The following FMN1 variants were observed in gnomAD, a reference collection of about 807,000 sequenced individuals.
FMN1 encodes the protein formin 1, also known as formin-1.
A neutral mutation model predicts 132.4 loss-of-function variants in FMN1; 110 were observed. The ratio of observed to expected loss-of-function variants is 0.83; its 90% CI spans 0.71 to 0.97. The LOEUF is 0.97. Among genes scored for constraint, FMN1 ranks in the 50% least tolerant of loss-of-function variants. The pLI, the probability that FMN1 is intolerant of heterozygous loss-of-function variation, is 0.00. For missense variants in FMN1, 1,792 were observed against 1,705.3 expected (o/e 1.05, Z -0.90); for synonymous variants, 722 against 651.7 (o/e 1.11, Z -1.64).
intron 7 of FMN1, among the ~76,000 whole-genome samples, chr15:32,982,657 C>A (rs867345297): frequency 1.8e-4 from 28 of 152,102 alleles, no homozygotes; most frequent in African/African-American, 6.3e-4. Context: ...TGTAGGTGGG[C>A]CTCATGCAAT....
rs2061090623 is a variant in FMN1 at position 32,930,663 on chromosome 15, C to T, written c.3139-4402G>A. On this transcript the variant is annotated intron_variant, in intron 9 of 20. Coordinates refer to ENST00000616417, the MANE Select transcript of FMN1 (RefSeq NM_001277313.2). ...TCCGTTGATTGTTTCCTTTGCTGAG[C>T]AGAAGCTTTTTCATTTAACATAGTC... is the stretch of plus-strand genomic sequence containing the variant. Among the ~76,000 whole-genome samples the T allele has an allele frequency of 4.6e-5, 7 of 151,974 alleles. No individual in the cohort carries two copies. In the South Asian group the frequency reaches 1.5e-3, roughly 32 times the overall value.
In FMN1 at chr15:32,997,452, A is replaced by C. The variant is rs79974495; in HGVS notation, c.2223+10562T>G. On this transcript the variant is annotated intron_variant, in intron 7 of 20. Transcript: ENST00000616417. ...AATCATTATACTAGGCAGTGAATAC[A>C]TATCAAATTTAGAAACCAGGCAGAC... Among the ~76,000 whole-genome samples, 1,413 of 152,232 alleles carry C rather than the reference A, an allele frequency of 9.3e-3. 11 individuals are homozygous for C. Among genetic ancestry groups the C allele is most frequent in the Non-Finnish European group, 0.016 (1,088 of 68,008 alleles).
chr15:33,149,005 G>C (rs1464703105), intron 4 of FMN1, among the ~76,000 whole-genome samples: 4 of 137,022 alleles, frequency 2.9e-5, no homozygotes, highest in African/African-American at 8.3e-5. Context: ...TGGTGAATTT[G>C]TTTTTTTCTT....
chr15:32,895,840 C>T (rs1183212652), intron 15 of FMN1, among the ~76,000 whole-genome samples: 3 of 151,896 alleles, frequency 2.0e-5, no homozygotes, highest in African/African-American at 7.3e-5. Context: ...TTTTGAGATA[C>T]TACAGTATTT....
chr15:32,987,533 T>C (rs1332428207), intron 7 of FMN1, among the ~76,000 whole-genome samples: 5 of 152,136 alleles, frequency 3.3e-5, no homozygotes, highest in African/African-American at 4.8e-5. Context: ...TAACACAACA[T>C]ATGAAACTGA....
At chr15:32,944,648 C>T (rs529612133) in intron 9 of FMN1, among the ~76,000 whole-genome samples, 16 of 152,028 alleles carry the variant, frequency 1.1e-4, no homozygotes, top group African/African-American at 3.6e-4. Flanking sequence ...AGTCTGAGAA[C>T]GTATTTGGCA....
At chr15:32,905,061 A>C (rs2141623832) in intron 12 of FMN1, among the ~76,000 whole-genome samples, 1 of 152,328 alleles carries the variant, frequency 6.6e-6, no homozygotes, top group East Asian at 1.9e-4. Flanking sequence ...TTCCCAAAAG[A>C]AGCCACAAAT....
At chr15:33,021,276 C>T (rs769867273) in intron 6 of FMN1, among the ~76,000 whole-genome samples, 3 of 152,140 alleles carry the variant, frequency 2.0e-5, no homozygotes, top group Non-Finnish European at 4.4e-5. Flanking sequence ...TGCTTGTTAC[C>T]GAAAGCTGCT....
chr15:33,139,547 C>T (rs1241162405), intron 4 of FMN1, among the ~76,000 whole-genome samples: 4 of 152,174 alleles, frequency 2.6e-5, no homozygotes, highest in Middle Eastern at 3.2e-3. Flanking sequence ...GCTGAGATCA[C>T]GCCACTGCAC....
At chr15:32,957,544 A>G (rs1185717477) in intron 9 of FMN1, among the ~76,000 whole-genome samples, 1 of 152,088 alleles carries the variant, frequency 6.6e-6, no homozygotes, top group East Asian at 1.9e-4. Context: ...GTTGTGGGAT[A>G]CTTCCATGAA....
intron 5 of FMN1, chr15:33,067,743 C>G (rs912887965): frequency 6.2e-7 from 1 of 1,613,914 alleles, no homozygotes; most frequent in Non-Finnish European, 8.5e-7. Flanking sequence ...TCTGGATTCA[C>G]AGATTCTAAT....
chr15:32,925,052 CTAA>C, intron 10 of FMN1, among the ~76,000 whole-genome samples: 1 of 152,274 alleles, frequency 6.6e-6, no homozygotes, highest in Middle Eastern at 3.4e-3. Context: ...TTTCTAGATA[CTAA>C]TAAAAAATAT....
At chr15:32,853,766 T>C (rs942036892) in intron 17 of FMN1, among the ~76,000 whole-genome samples, 1 of 152,194 alleles carries the variant, frequency 6.6e-6, no homozygotes, top group Non-Finnish European at 1.5e-5. Context: ...CCTGACCAAG[T>C]AGCATGCTGT....
intron 17 of FMN1, among the ~76,000 whole-genome samples, chr15:32,844,078 CACATTCTCTA>C (rs879813269): frequency 3.9e-5 from 6 of 152,164 alleles, no homozygotes; most frequent in African/African-American, 7.2e-5. Flanking sequence ...ATTAAATAAT[CACATTCTCTA>C]GCCTCAGCTC....
chr15:32,968,579 T>G (rs2031462203), intron 8 of FMN1, 135 bp downstream of exon 8: 1 of 1,328,522 alleles, frequency 7.5e-7, no homozygotes, highest in South Asian at 1.6e-5. Context: ...CCAACATTGT[T>G]TATCCAAGCA....
intron 5 of FMN1, among the ~76,000 whole-genome samples, chr15:33,075,566 A>G (rs2038176332): frequency 6.6e-6 from 1 of 152,216 alleles, no homozygotes; most frequent in South Asian, 2.1e-4. Flanking sequence ...AGAAGAGAAT[A>G]AAGTTTTCTC....
At chr15:32,830,846 G>A (rs1367161032) in intron 17 of FMN1, among the ~76,000 whole-genome samples, 3 of 152,188 alleles carry the variant, frequency 2.0e-5, no homozygotes. Flanking sequence ...GCCCTGGGGA[G>A]TGTTCAAGTA....
intron 18 of FMN1, among the ~76,000 whole-genome samples, chr15:32,799,403 C>T (rs2339158): frequency 0.2 from 29,905 of 152,148 alleles, 3,822 homozygotes; most frequent in Admixed American, 0.28. Context: ...GCAAGAAAAT[C>T]CATTCTATCC....
intron 9 of FMN1, among the ~76,000 whole-genome samples, chr15:32,956,827 G>T (rs1299118452): frequency 6.6e-6 from 1 of 152,086 alleles, no homozygotes; most frequent in African/African-American, 2.4e-5. Context: ...AAAGCAATAG[G>T]TTATGAAAAC....
Sources: gnomAD v4.1 joint callset for allele counts (sites outside exome capture counted in the v4.1 genomes callset) on GRCh38, gnomAD v4.1.1 for gene constraint, MANE v1.5 for transcripts, NCBI Gene and HGNC (gene_info 2026-07-23, HGNC 2026-07-21) for gene names.